ANK3: variants seen among roughly 807,000 people sequenced by gnomAD.
ANK3 encodes ankyrin-3.
ANK3 carries 57 observed loss-of-function variants against 370.9 expected under a neutral mutation model. That is an observed-to-expected ratio of 0.15 (90% CI 0.12 to 0.19). The LOEUF is 0.19. ANK3 is among the 10% of genes least tolerant of loss of function. The pLI, the probability that ANK3 is intolerant of heterozygous loss-of-function variation, is 1.00. For missense variants in ANK3, 4,439 were observed against 5,302.1 expected (o/e 0.84, Z 5.06); for synonymous variants, 1,929 against 1,946.3 (o/e 0.99, Z 0.23).
Position 60,470,040 on chromosome 10 carries a change from GA to G in ANK3, c.96+145145del, listed in dbSNP as rs1465179498. On this transcript the variant is annotated intron_variant, in intron 2 of 43. Transcript: ENST00000373827. Reference sequence around the variant, plus strand: ...ATAGAGAAAACAGGGAGCAGAATCGGAGTTGAATAGTTTTCCTCTTATAGAT... The same window carrying G: ...ATAGAGAAAACAGGGAGCAGAATCGGGTTGAATAGTTTTCCTCTTATAGAT... Among the ~76,000 whole-genome samples the G allele has an allele frequency of 3.9e-5, 6 of 152,122 alleles. No homozygotes were observed. The South Asian group carries it at 1.2e-3, about 32-fold the overall frequency.
chr10:60,325,628 C>T (rs1400449474), intron 1 of ANK3, among the ~76,000 whole-genome samples: 1 of 152,172 alleles, frequency 6.6e-6, no homozygotes, highest in African/African-American at 2.4e-5. Context: ...TAGACACAAG[C>T]TCCTGGTATC....
At position 60,059,990 on chromosome 10, in the gene ANK3, T is replaced by C. The variant is rs146749175; in HGVS notation, c.12596-560A>G. On this transcript the variant is annotated intron_variant, in intron 40 of 43. Coordinates refer to ENST00000280772, the MANE Select transcript of ANK3 (RefSeq NM_020987.5). ...ACCCTGTGGGGGTTTCCAGTTCCAC[T>C]TGAAGGGAAGGATAACCTATGGAAG... The C allele has an allele frequency of 5.7e-6, 9 of 1,591,706 alleles. No individual in the cohort carries two copies. In the African/African-American group the frequency reaches 9.4e-5, roughly 17 times the overall value.
chr10:60,663,050 T>C (rs534065337), intron 1 of ANK3, among the ~76,000 whole-genome samples: 14 of 152,298 alleles, frequency 9.2e-5, no homozygotes, highest in African/African-American at 3.4e-4. Flanking sequence ...TAATACCAAG[T>C]CTTTTCTCCT....
chr10:60,620,498 A>T (rs2078321104), intron 1 of ANK3, among the ~76,000 whole-genome samples: 1 of 152,204 alleles, frequency 6.6e-6, no homozygotes, highest in Non-Finnish European at 1.5e-5. Flanking sequence ...TAAGTAACTT[A>T]CCCAAAGTTA....
intron 24 of ANK3, 92 bp from the exon 25 acceptor site, chr10:60,134,465 G>C (rs937891210): frequency 2.7e-5 from 24 of 879,870 alleles, no homozygotes; most frequent in Non-Finnish European, 4.1e-5. Context: ...GAACAGGCAA[G>C]ATGGCTAAAA....
At chr10:60,665,717 G>A (rs776879517) in intron 1 of ANK3, among the ~76,000 whole-genome samples, 2 of 152,128 alleles carry the variant, frequency 1.3e-5, no homozygotes, top group African/African-American at 2.4e-5. Flanking sequence ...TAATCCCAGC[G>A]TAATTTCTGC....
intron 38 of ANK3, 101 bp downstream of exon 38, chr10:60,067,834 C>A: frequency 2.2e-6 from 2 of 894,950 alleles, no homozygotes; most frequent in East Asian, 2.6e-5. Flanking sequence ...TTTTTACTAG[C>A]TGCTTGTTTC....
At chr10:60,108,262 AGGATT>A in intron 27 of ANK3, 1 of 408,990 alleles carries the variant, frequency 2.4e-6, no homozygotes. Flanking sequence ...TTACAGGGGG[AGGATT>A]GGTAGGAAGA....
intron 5 of ANK3, among the ~76,000 whole-genome samples, chr10:60,267,173 G>T (rs1334257744): frequency 2.3e-4 from 35 of 152,092 alleles, no homozygotes; most frequent in Admixed American, 2.3e-3. Flanking sequence ...TTAAAAACTT[G>T]CTATTTAAAG....
intron 2 of ANK3, among the ~76,000 whole-genome samples, chr10:60,538,661 C>T (rs1356443865): frequency 6.6e-6 from 1 of 151,898 alleles, no homozygotes; most frequent in Non-Finnish European, 1.5e-5. Context: ...ACACATTTAA[C>T]ATACACCATG....
intron 2 of ANK3, among the ~76,000 whole-genome samples, chr10:60,556,607 A>G (rs561668990): frequency 6.6e-6 from 1 of 152,310 alleles, no homozygotes; most frequent in South Asian, 2.1e-4. Flanking sequence ...TATCTCTATG[A>G]TGAATATATA....
At chr10:60,207,097 T>C (rs2096774559) in intron 10 of ANK3, among the ~76,000 whole-genome samples, 1 of 152,226 alleles carries the variant, frequency 6.6e-6, no homozygotes, top group South Asian at 2.1e-4. Flanking sequence ...TTTGATAGAC[T>C]GGGTGGGTCA....
intron 29 of ANK3, 152 bp downstream of exon 29, chr10:60,087,995 C>T: frequency 1.5e-6 from 1 of 661,778 alleles, no homozygotes; most frequent in Non-Finnish European, 2.6e-6. Flanking sequence ...TAACTTTATA[C>T]TTGATGCTTT....
At chr10:60,548,590 G>A (rs2077023789) in intron 2 of ANK3, among the ~76,000 whole-genome samples, 1 of 151,936 alleles carries the variant, frequency 6.6e-6, no homozygotes, top group Non-Finnish European at 1.5e-5. Flanking sequence ...TCAAAATAAG[G>A]GTTGGGTCCT....
chr10:60,277,914 G>A lies in ANK3; in HGVS notation c.414+860C>T, dbSNP rs764425429. 2.0e-5 allele frequency among the ~76,000 whole-genome samples: 3 copies of A among 152,212 alleles called. No homozygotes were observed. The East Asian group carries it at 5.8e-4, about 29-fold the overall frequency. On this transcript the variant is annotated intron_variant, in intron 4 of 43. Coordinates refer to ENST00000280772, the MANE Select transcript of ANK3 (RefSeq NM_020987.5). The stretch of plus-strand genomic sequence containing the variant: ...TTTTAAATGTGGTCATGTCCTTAGT[G>A]AATATTTTTGAATTATGATGATGTT...
At chr10:60,374,415 G>T (rs573519515) in intron 1 of ANK3, among the ~76,000 whole-genome samples, 4 of 152,220 alleles carry the variant, frequency 2.6e-5, no homozygotes, top group African/African-American at 9.6e-5. Context: ...AAGAGGGTGA[G>T]GCAGGAGATG....
intron 27 of ANK3, among the ~76,000 whole-genome samples, chr10:60,107,740 T>C (rs987948818): frequency 6.6e-6 from 1 of 152,152 alleles, no homozygotes; most frequent in Non-Finnish European, 1.5e-5. Flanking sequence ...TTTTAAAAGA[T>C]CTAATTACAC....
intron 8 of ANK3, among the ~76,000 whole-genome samples, chr10:60,232,778 G>A (rs1293175464): frequency 6.6e-6 from 1 of 152,178 alleles, no homozygotes; most frequent in Non-Finnish European, 1.5e-5. Flanking sequence ...AAGGGCAGGG[G>A]AAGTGTTGTG....
intron 2 of ANK3, among the ~76,000 whole-genome samples, chr10:60,548,546 G>A (rs536346720): frequency 9.9e-5 from 15 of 151,998 alleles, no homozygotes; most frequent in Admixed American, 3.3e-4. Flanking sequence ...CACTGCACCC[G>A]TCCATATTTC....
Sources: gnomAD v4.1 joint callset for allele counts (sites outside exome capture counted in the v4.1 genomes callset) on GRCh38, gnomAD v4.1.1 for gene constraint, MANE v1.5 for transcripts, NCBI Gene and HGNC (gene_info 2026-07-23, HGNC 2026-07-21) for gene names.